The following TOX variants were observed in gnomAD, a reference collection of about 807,000 sequenced individuals.
The protein encoded by TOX is thymocyte selection associated high mobility group box.
Under a neutral mutation model 53.7 loss-of-function variants are expected in TOX, and 11 were observed. The ratio of observed to expected loss-of-function variants is 0.20; its 90% CI spans 0.13 to 0.34. The LOEUF (loss-of-function observed/expected upper bound fraction) is 0.34. Ranked by LOEUF, TOX falls within the 10% of genes least tolerant of loss-of-function variation. The pLI is 1.00. For missense variants in TOX, 570 were observed against 664.6 expected, an observed-to-expected ratio of 0.86 and a Z score of 1.56; for synonymous variants, 225 against 245.3, an observed-to-expected ratio of 0.92 and a Z score of 0.77.
intron 4 of TOX, among the ~76,000 whole-genome samples, chr8:58,839,406 G>T (rs1186252130): frequency 6.6e-6 from 1 of 152,190 alleles, no homozygotes; most frequent in Admixed American, 6.5e-5. Flanking sequence ...CTCAATTTAA[G>T]AGTAGATTCT....
intron 2 of TOX, among the ~76,000 whole-genome samples, chr8:58,958,856 G>A (rs1812752479): frequency 1.3e-5 from 2 of 152,292 alleles, no homozygotes; most frequent in Admixed American, 6.5e-5. Flanking sequence ...ATGCAGGCCT[G>A]CCTCTGTTTT....
At chr8:59,002,359 G>A (rs1252488896) in intron 1 of TOX, among the ~76,000 whole-genome samples, 2 of 151,282 alleles carry the variant, frequency 1.3e-5, no homozygotes. Context: ...TTGGGAGGCC[G>A]AGGAGGGCGG....
At chr8:59,027,089 A>G (rs1443625158) in intron 1 of TOX, among the ~76,000 whole-genome samples, 1 of 152,154 alleles carries the variant, frequency 6.6e-6, no homozygotes, top group Admixed American at 6.5e-5. Flanking sequence ...TCACCATGAA[A>G]GCTACCACCT....
At chr8:58,965,080 T>G (rs1476778837) in intron 1 of TOX, among the ~76,000 whole-genome samples, 1 of 152,218 alleles carries the variant, frequency 6.6e-6, no homozygotes, top group Non-Finnish European at 1.5e-5. Context: ...AGAAGTCAAC[T>G]GAATTTAGGC....
chr8:58,998,519 A>G (rs1236109079), intron 1 of TOX, among the ~76,000 whole-genome samples: 6 of 120,962 alleles, frequency 5.0e-5, no homozygotes, highest in African/African-American at 2.1e-4. Context: ...ATATATATAT[A>G]TATATATATA....
At chr8:59,089,389 T>C (rs1804568174) in intron 1 of TOX, among the ~76,000 whole-genome samples, 2 of 152,200 alleles carry the variant, frequency 1.3e-5, no homozygotes, top group Non-Finnish European at 2.9e-5. Context: ...TAGTGACCTC[T>C]TTCAGCTCTT....
intron 7 of TOX, chr8:58,814,427 T>C (rs1482939067): frequency 6.6e-6 from 1 of 152,214 alleles, no homozygotes; most frequent in African/African-American, 2.4e-5. Context: ...ATAGAGACTA[T>C]AAAAGATTGC....
chr8:58,808,793 T>C (rs993132110), intron 7 of TOX, among the ~76,000 whole-genome samples: 10 of 152,218 alleles, frequency 6.6e-5, no homozygotes, highest in Non-Finnish European at 1.2e-4. Flanking sequence ...TTTATTTGTA[T>C]TTCTCTCTCA....
intron 8 of TOX, 78 bp downstream of exon 8, chr8:58,808,040 C>T: frequency 1.3e-6 from 2 of 1,528,008 alleles, no homozygotes; most frequent in Non-Finnish European, 8.8e-7. Context: ...TTTTTGGAAA[C>T]AAGAGAACGA....
chr8:58,877,951 G>A (rs1338437754), intron 3 of TOX, among the ~76,000 whole-genome samples: 1 of 152,006 alleles, frequency 6.6e-6, no homozygotes, highest in Non-Finnish European at 1.5e-5. Flanking sequence ...GGATGACAGA[G>A]GTTGCTCTAG....
intron 5 of TOX, among the ~76,000 whole-genome samples, chr8:58,833,210 C>T (rs1221716438): frequency 3.3e-5 from 5 of 152,158 alleles, no homozygotes. Flanking sequence ...TGCTAAATGT[C>T]TTACAGCCCG....
At chr8:59,011,478 C>A (rs1238540763) in intron 1 of TOX, among the ~76,000 whole-genome samples, 1 of 152,194 alleles carries the variant, frequency 6.6e-6, no homozygotes, top group Non-Finnish European at 1.5e-5. Context: ...AGGCCTAAGC[C>A]TCCTGAACAT....
At chr8:58,815,993 C>A (rs756524273) in intron 6 of TOX, among the ~76,000 whole-genome samples, 52 of 152,084 alleles carry the variant, frequency 3.4e-4, no homozygotes, top group Admixed American at 2.0e-4. Context: ...TTCTCATTAT[C>A]CAAATGAGGG....
At chr8:58,944,491 T>A (rs1359624250) in intron 2 of TOX, among the ~76,000 whole-genome samples, 2 of 152,202 alleles carry the variant, frequency 1.3e-5, no homozygotes, top group African/African-American at 4.8e-5. Flanking sequence ...GAGACAGATG[T>A]TGGACTAGGC....
Position 58,815,331 on chromosome 8 carries a change from C to T in TOX, c.1392+7G>A. The T allele has an allele frequency of 6.3e-7, 1 of 1,585,744 alleles. No homozygotes were observed. The highest frequency in any genetic ancestry group is 8.6e-7 in the Non-Finnish European group (1 of 1,165,228). ...GCACACTCTAAGTCCAGAGCCATTG[C>T]ACTTACTTGCTGCATGGTGGGTGAG... is the stretch of plus-strand genomic sequence containing the variant. On this transcript the variant is annotated splice_region_variant and intron_variant, in intron 7 of 8. Coordinates refer to ENST00000361421, the MANE Select transcript of TOX (RefSeq NM_014729.3).
At chr8:59,107,569 G>A (rs1485961910) in intron 1 of TOX, among the ~76,000 whole-genome samples, 1 of 152,122 alleles carries the variant, frequency 6.6e-6, no homozygotes, top group Non-Finnish European at 1.5e-5. Flanking sequence ...GATGCATCCT[G>A]ACCATTAACA....
intron 1 of TOX, among the ~76,000 whole-genome samples, chr8:59,049,101 TGA>T (rs754624440): frequency 0.076 from 11,590 of 151,974 alleles, 1,355 homozygotes; most frequent in East Asian, 0.5. Context: ...GGCCCGGTAA[TGA>T]AAATGAAAAA....
At chr8:59,013,613 G>T (rs1040906111) in intron 1 of TOX, among the ~76,000 whole-genome samples, 3 of 152,212 alleles carry the variant, frequency 2.0e-5, no homozygotes, top group Admixed American at 2.0e-4. Flanking sequence ...GTTGCACTAC[G>T]TTGGCCAGGC....
At chr8:59,070,682 A>G (rs2129422577) in intron 1 of TOX, among the ~76,000 whole-genome samples, 1 of 152,268 alleles carries the variant, frequency 6.6e-6, no homozygotes, top group Non-Finnish European at 1.5e-5. Context: ...AGCAACAAGA[A>G]AAGAATAGTG....
Sources: allele counts gnomAD v4.1 joint callset (sites outside exome capture counted in the v4.1 genomes callset), GRCh38; gene constraint gnomAD v4.1.1; transcripts MANE v1.5; gene names NCBI Gene and HGNC (gene_info 2026-07-23, HGNC 2026-07-21).